Variants in ZNF708 observed in about 807,000 individuals in gnomAD.
The protein encoded by ZNF708 is ZNF15, ZNF15L1.
Under a neutral mutation model 47.0 loss-of-function variants are expected in ZNF708, and 44 were observed. The observed-to-expected ratio is 0.94, with a 90% CI of 0.74 to 1.20. ZNF708 has a LOEUF of 1.20. ZNF708 is among the 50% of genes most tolerant of loss of function. The pLI, the probability that ZNF708 is intolerant of heterozygous loss-of-function variation, is 0.00. For synonymous variants in ZNF708, 184 were observed against 218.5 expected, an observed-to-expected ratio of 0.84 and a Z score of 1.39; for missense variants, 557 against 656.0, an observed-to-expected ratio of 0.85 and a Z score of 1.65.
At chr19:21,320,768 TA>T (rs55662605) in intron 1 of ZNF708, among the ~76,000 whole-genome samples, 97,058 of 111,856 alleles carry the variant, frequency 0.87, 42,075 homozygotes, top group Middle Eastern at 0.93. Context: ...CTCTGGCCAT[TA>T]AAAAAAAAAA....
At chr19:21,314,979 A>C (rs1025295784) in intron 1 of ZNF708, among the ~76,000 whole-genome samples, 1 of 152,162 alleles carries the variant, frequency 6.6e-6, no homozygotes, top group East Asian at 1.9e-4. Flanking sequence ...TAGAAAATGG[A>C]ACTGCCCTGG....
intron 1 of ZNF708, among the ~76,000 whole-genome samples, chr19:21,327,726 T>A (rs532596226): frequency 9.9e-4 from 151 of 152,158 alleles, no homozygotes; most frequent in African/African-American, 3.5e-3. Flanking sequence ...GGGATACTTT[T>A]TTTTTTCCAC....
At chr19:21,307,133 TAAA>T (rs1972795691) in intron 3 of ZNF708, among the ~76,000 whole-genome samples, 1 of 118,586 alleles carries the variant, frequency 8.4e-6, no homozygotes, top group African/African-American at 3.4e-5. Context: ...AAATAAAAAA[TAAA>T]ATAAAATAAA....
intron 1 of ZNF708, among the ~76,000 whole-genome samples, chr19:21,320,229 C>T (rs1973099644): frequency 6.6e-6 from 1 of 151,974 alleles, no homozygotes; most frequent in South Asian, 2.1e-4. Flanking sequence ...AGCAGAATTA[C>T]CATTTGACCC....
Position 21,329,362 on chromosome 19 carries a change from C to G in ZNF708, c.-150G>C. On this transcript the variant is annotated 5_prime_UTR_variant, in exon 1 of 4. Transcript: ENST00000356929. ...TCCGGCTGCAGCAAGAGACAAAGGC[C>G]GCGCCAAACCCGGAAGCCGCCCTGT... 3.1e-6 allele frequency: 4 copies of G among 1,276,180 alleles called. No homozygotes were observed. The highest frequency in any genetic ancestry group is 2.6e-5 in the East Asian group (1 of 38,422). The allele number at this position is 1,276,180 out of a possible 1,614,324, so 79.1% of individuals were successfully genotyped here. A position where few individuals can be genotyped will look rare whatever the true frequency, so the allele number is the denominator to read the frequency against.
At chr19:21,313,847 T>C (rs1477310653) in intron 1 of ZNF708, among the ~76,000 whole-genome samples, 2 of 152,046 alleles carry the variant, frequency 1.3e-5, no homozygotes, top group African/African-American at 4.8e-5. Flanking sequence ...TTTTGAGGAA[T>C]TTTTACTGGG....
chr19:21,295,523 A>C (rs569477347), intron 3 of ZNF708, among the ~76,000 whole-genome samples: 1 of 152,272 alleles, frequency 6.6e-6, no homozygotes, highest in Non-Finnish European at 1.5e-5. Context: ...AGGCGGGTGA[A>C]TCACCTGAGG....
intron 1 of ZNF708, among the ~76,000 whole-genome samples, chr19:21,322,337 T>G (rs1973166507): frequency 6.6e-6 from 1 of 151,946 alleles, no homozygotes; most frequent in Non-Finnish European, 1.5e-5. Flanking sequence ...AGTCTAGTTC[T>G]GTCACCCAGG....
chr19:21,301,660 G>A (rs1972662591), intron 3 of ZNF708, among the ~76,000 whole-genome samples: 1 of 151,956 alleles, frequency 6.6e-6, no homozygotes, highest in Non-Finnish European at 1.5e-5. Context: ...AGCTGGGCAT[G>A]GTGGCACGTG....
intron 1 of ZNF708, among the ~76,000 whole-genome samples, 192 bp from the exon 2 acceptor site, chr19:21,310,819 G>A (rs1972884301): frequency 6.6e-6 from 1 of 151,564 alleles, no homozygotes; most frequent in African/African-American, 2.4e-5. Flanking sequence ...AAAGAGAGTA[G>A]TATAAGATCC....
Position 21,293,174 on chromosome 19 carries a change from A to T in ZNF708, c.*100T>A. 7.2e-7 allele frequency: 1 copy of T among 1,379,860 alleles called. No individual in the cohort carries two copies. Among genetic ancestry groups the T allele is most frequent in the Non-Finnish European group, 1.0e-6 (1 of 995,006 alleles). The allele number at this position is 1,379,860 out of a possible 1,614,324, so 85.5% of individuals were successfully genotyped here. On this transcript the variant is annotated 3_prime_UTR_variant, in exon 4 of 4. Coordinates refer to ENST00000356929, the MANE Select transcript of ZNF708 (RefSeq NM_021269.3). ...GTTTCATAAGGATTAAGAGCCAGTT[A>T]AAGGCTTTGCCACATTTATCACATT...
In ZNF708 at chr19:21,299,705, G is replaced by A. The variant is rs140517312; in HGVS notation, c.227-4966C>T. On this transcript the variant is annotated intron_variant, in intron 3 of 3. Transcript: ENST00000356929. Reference sequence around the variant, plus strand: ...AAATAATTCCTTGAACCCAGGAGGCGGAGGTTGCAGTGAGCCAAGATCACA... The same window carrying A: ...AAATAATTCCTTGAACCCAGGAGGCAGAGGTTGCAGTGAGCCAAGATCACA... Among the ~76,000 whole-genome samples, 444 of 150,350 alleles carry A rather than the reference G, an allele frequency of 3.0e-3. 3 individuals are homozygous for A. Among genetic ancestry groups the A allele is most frequent in the African/African-American group, 0.01 (409 of 40,876 alleles).
At chr19:21,295,294 T>C (rs989709252) in intron 3 of ZNF708, among the ~76,000 whole-genome samples, 5 of 152,190 alleles carry the variant, frequency 3.3e-5, no homozygotes, top group Non-Finnish European at 7.3e-5. Flanking sequence ...AGCAAGTGAT[T>C]ACTGACTATT....
At chr19:21,321,134 T>C (rs1402815519) in intron 1 of ZNF708, among the ~76,000 whole-genome samples, 2 of 149,248 alleles carry the variant, frequency 1.3e-5, no homozygotes, top group Non-Finnish European at 3.0e-5. Context: ...GTGAGACTCA[T>C]CTTAAAAAAA....
chr19:21,305,735 A>T (rs534666725), intron 3 of ZNF708, among the ~76,000 whole-genome samples: 88 of 152,280 alleles, frequency 5.8e-4, no homozygotes, highest in African/African-American at 2.1e-3. Context: ...TGCTGGGATT[A>T]CAAGCGTGAG....
intron 1 of ZNF708, among the ~76,000 whole-genome samples, chr19:21,313,471 G>A (rs1321753427): frequency 3.9e-5 from 6 of 151,930 alleles, no homozygotes; most frequent in African/African-American, 1.4e-4. Flanking sequence ...TAAAAAATGT[G>A]TAGAAAAGCC....
chr19:21,316,211 G>A (rs909233807), intron 1 of ZNF708, among the ~76,000 whole-genome samples: 8 of 127,942 alleles, frequency 6.3e-5, no homozygotes, highest in Non-Finnish European at 9.4e-5. Flanking sequence ...TCAGCTCACC[G>A]CAACTTCCTC....
chr19:21,301,831 T>C (rs1016685200), intron 3 of ZNF708, among the ~76,000 whole-genome samples: 1 of 114,694 alleles, frequency 8.7e-6, no homozygotes, highest in African/African-American at 3.6e-5. Context: ...ACTTTCCAAA[T>C]GTTGATGTGA....
intron 3 of ZNF708, among the ~76,000 whole-genome samples, chr19:21,300,445 G>A (rs1972633931): frequency 6.7e-6 from 1 of 150,240 alleles, no homozygotes; most frequent in East Asian, 2.0e-4. Context: ...GGCGGAGGTT[G>A]CGGTGAGCTG....
Sources: allele counts gnomAD v4.1 joint callset (sites outside exome capture counted in the v4.1 genomes callset), GRCh38; gene constraint gnomAD v4.1.1; transcripts MANE v1.5; gene names NCBI Gene and HGNC (gene_info 2026-07-23, HGNC 2026-07-21).